The following RAB37 variants were observed in gnomAD, a reference collection of about 807,000 sequenced individuals.
RAB37 encodes the protein ras-related protein Rab-37.
In RAB37, 29 loss-of-function variants were observed where a neutral mutation model predicts 33.1. That is an observed-to-expected ratio of 0.88 (90% CI 0.65 to 1.20). RAB37 has a LOEUF of 1.20. Ranked by LOEUF, RAB37 falls within the 50% of genes most tolerant of loss-of-function variation. The probability of loss-of-function intolerance (pLI) is 0.00; values close to 1 mark genes in which losing one functional copy is unlikely to be tolerated. For synonymous variants in RAB37, 128 were observed against 119.5 expected (o/e 1.07, Z -0.47); for missense variants, 299 against 301.1 (o/e 0.99, Z 0.05).
rs528409947 is a variant in RAB37, at chr17:74,700,978, C to T, written c.73-28278C>T. On this transcript the variant is annotated intron_variant, in intron 1 of 7. Coordinates refer to the RAB37 transcript ENST00000340415. ...TAGAAGAGATCAGGACACAGACACA[C>T]GCAGAGGGACGACCACGTGAACACA... 3.3e-5 allele frequency among the ~76,000 whole-genome samples: 5 copies of T among 152,232 alleles called. 1 individual carries two copies. The South Asian group carries it at 6.2e-4, about 19-fold the overall frequency.
Position 74,744,359 on chromosome 17 carries a change from C to T in RAB37, c.418C>T (p.Leu140=). Residue 140 remains leucine (L), a synonymous_variant, in exon 6 of 9, where the codon CTG becomes TTG. Transcript: ENST00000392613. This position sits in a 1 kb window ranked among gnomAD's most constrained non-coding sequence, Gnocchi z 4.2. ...TGCCCAGAGGGACGTGGTGATCATG[C>T]TGCTAGGCAACAAGGTGAGTGGCTC... ...EYAQRDVVIM[L]LGNKADMSSE... The T allele has an allele frequency of 2.5e-6, 4 of 1,614,142 alleles. No individual in the cohort carries two copies. Among genetic ancestry groups the T allele is most frequent in the Non-Finnish European group, 3.4e-6 (4 of 1,180,010 alleles).
upstream of RAB37, chr17:74,736,961 C>A: frequency 6.5e-7 from 1 of 1,541,950 alleles, no homozygotes; most frequent in South Asian, 1.2e-5. Context: ...CCGCGGCCCG[C>A]TCCCCCAGGG....
intron 1 of RAB37, among the ~76,000 whole-genome samples, chr17:74,686,600 G>T (rs1243761462): frequency 1.3e-5 from 2 of 152,128 alleles, no homozygotes; most frequent in East Asian, 3.9e-4. Context: ...TGCCATGTTA[G>T]CCAGGCTGGT....
At chr17:74,711,206 A>AT (rs2033937173) in intron 1 of RAB37, among the ~76,000 whole-genome samples, 1 of 152,134 alleles carries the variant, frequency 6.6e-6, no homozygotes, top group South Asian at 2.1e-4. Flanking sequence ...GAGCTGATGC[A>AT]TGCAGGTTCA....
Position 74,683,791 on chromosome 17 carries a change from T to A in RAB37, c.72+12133T>A, listed in dbSNP as rs1440623976. The stretch of plus-strand genomic sequence containing the variant: ...GCCTCGAGTAACCAGGGAAGAGTCA[T>A]CTTATGCTTTGGGCCAGATGGCAAA... On this transcript the variant is annotated intron_variant, in intron 1 of 7. Coordinates refer to the RAB37 transcript ENST00000340415. 5.3e-5 allele frequency among the ~76,000 whole-genome samples: 8 copies of A among 152,226 alleles called. No homozygotes were observed. The East Asian group carries it at 1.5e-3, about 29-fold the overall frequency.
upstream of RAB37, chr17:74,736,840 C>T: frequency 6.5e-7 from 1 of 1,528,916 alleles, no homozygotes. Flanking sequence ...CCCAGGGGTC[C>T]CCAGCTCCCC....
upstream of RAB37, among the ~76,000 whole-genome samples, chr17:74,733,738 G>GGTCTGTGCAGGA (rs2034426974): frequency 6.6e-6 from 1 of 151,910 alleles, no homozygotes; most frequent in South Asian, 2.1e-4. Context: ...CCCTTAGTGA[G>GGTCTGTGCAGGA]TCCCTATTCT....
intron 1 of RAB37, among the ~76,000 whole-genome samples, chr17:74,716,682 C>G (rs2034168479): frequency 6.6e-6 from 1 of 151,870 alleles, no homozygotes; most frequent in Non-Finnish European, 1.5e-5. Flanking sequence ...GCCATGCTGC[C>G]TTGTGTCAGG....
chr17:74,732,171 A>G (rs1242840705), intron 2 of RAB37, among the ~76,000 whole-genome samples: 1 of 152,202 alleles, frequency 6.6e-6, no homozygotes, highest in Non-Finnish European at 1.5e-5. Flanking sequence ...CCTTCAGCGC[A>G]CATAAAAGCC....
At chr17:74,721,557 C>T (rs1054223931) in intron 1 of RAB37, among the ~76,000 whole-genome samples, 5 of 151,886 alleles carry the variant, frequency 3.3e-5, no homozygotes, top group Admixed American at 2.0e-4. Flanking sequence ...CTCAGCTTCC[C>T]GAGTAGCTGG....
At position 74,740,672 on chromosome 17, in the gene RAB37, G is replaced by A; in HGVS notation, c.94-96G>A. 3.4e-6 allele frequency: 3 copies of A among 881,248 alleles called. 1 individual carries two copies. The South Asian group carries it at 4.1e-5, about 12-fold the overall frequency. The allele number at this position is 881,248 out of a possible 1,614,324, so 54.6% of individuals were successfully genotyped here. A position where few individuals can be genotyped will look rare whatever the true frequency, so the allele number is the denominator to read the frequency against. ...TTTGGTGCGGTCAGCATTCGTGCCA[G>A]CCCCCTCTTCTCTGATCCTCTCCAT... On this transcript the variant is annotated intron_variant, in intron 1 of 8. Coordinates refer to ENST00000392613, the MANE Select transcript of RAB37 (RefSeq NM_001006638.3).
intron 1 of RAB37, among the ~76,000 whole-genome samples, chr17:74,702,232 AG>A (rs1484479610): frequency 6.6e-6 from 1 of 152,008 alleles, no homozygotes; most frequent in African/African-American, 2.4e-5. Flanking sequence ...AAGAAATTAA[AG>A]GGGACGTTCC....
At chr17:74,702,677 C>A (rs752700845) in intron 1 of RAB37, among the ~76,000 whole-genome samples, 1 of 152,128 alleles carries the variant, frequency 6.6e-6, no homozygotes, top group Non-Finnish European at 1.5e-5. Context: ...GACACACTGT[C>A]CTCACTGACT....
chr17:74,694,893 A>G, intron 1 of RAB37: 1 of 514,344 alleles, frequency 1.9e-6, no homozygotes, highest in Non-Finnish European at 3.4e-6. Context: ...GTAGGAGAGG[A>G]GGGGACGTTT....
upstream of RAB37, among the ~76,000 whole-genome samples, chr17:74,733,937 ACTT>A (rs773034589): frequency 3.9e-5 from 6 of 152,110 alleles, no homozygotes; most frequent in Non-Finnish European, 7.4e-5. Flanking sequence ...ATGTTCAAAG[ACTT>A]CTTCCCTAGG....
At position 74,744,052 on chromosome 17, in the gene RAB37, TAAG is replaced by T. The variant is rs942442633; in HGVS notation, c.367-255_367-253del. 2.5e-4 allele frequency among the ~76,000 whole-genome samples: 38 copies of T among 152,240 alleles called. No homozygotes were observed. The highest frequency in any genetic ancestry group is 5.0e-4 in the Non-Finnish European group (34 of 68,008). On this transcript the variant is annotated intron_variant, in intron 5 of 8. Transcript: ENST00000392613. The surrounding 1 kb of genome is among the most constrained non-coding windows in gnomAD (Gnocchi z 4.2). Reference sequence around the variant, plus strand: ...GCTGACAGCCAACTGATTTGTGAGATAAGGTCTCCATGCATCTGGATCTTCCAT... The same window carrying T: ...GCTGACAGCCAACTGATTTGTGAGATGTCTCCATGCATCTGGATCTTCCAT...
intron 1 of RAB37, among the ~76,000 whole-genome samples, chr17:74,709,578 G>T (rs967561309): frequency 9.4e-5 from 14 of 148,824 alleles, no homozygotes; most frequent in African/African-American, 3.5e-4. Flanking sequence ...TTTTTTTTTT[G>T]AGATGGAGTC....
In RAB37 at chr17:74,745,567, C is replaced by G. The variant is rs191671140; in HGVS notation, c.*156C>G. On this transcript the variant is annotated 3_prime_UTR_variant, in exon 9 of 9. Transcript: ENST00000392613. This position sits in a 1 kb window ranked among gnomAD's most constrained non-coding sequence, Gnocchi z 4.5. Reference sequence around the variant, plus strand: ...GCAGGGAGCTATACTCCAACTCCTACTTGAGTTCCTGCGGTCTCCCCGCAT... The same window carrying G: ...GCAGGGAGCTATACTCCAACTCCTAGTTGAGTTCCTGCGGTCTCCCCGCAT... 3.9e-5 allele frequency: 24 copies of G among 621,882 alleles called. No individual in the cohort carries two copies. The highest frequency in any genetic ancestry group is 1.4e-4 in the Admixed American group (5 of 34,804). The allele number at this position is 621,882 out of a possible 1,614,324, so 38.5% of individuals were successfully genotyped here.
chr17:74,691,758 A>AGTTCCTTT (rs1372136958), intron 1 of RAB37, among the ~76,000 whole-genome samples: 1 of 152,166 alleles, frequency 6.6e-6, no homozygotes, highest in Non-Finnish European at 1.5e-5. Flanking sequence ...ATACTTATAC[A>AGTTCCTTT]TTCTGGGTAG....
Sources: allele counts gnomAD v4.1 joint callset (sites outside exome capture counted in the v4.1 genomes callset), GRCh38; gene constraint gnomAD v4.1.1; non-coding constraint Gnocchi (gnomAD v3.1); transcripts MANE v1.5; gene names NCBI Gene and HGNC (gene_info 2026-07-23, HGNC 2026-07-21).